NDUFV2: variants seen among roughly 807,000 people sequenced by gnomAD.
NDUFV2 encodes the protein NADH:ubiquinone oxidoreductase core subunit V2, also known as NADH dehydrogenase [ubiquinone] flavoprotein 2, mitochondrial.
NDUFV2 carries 18 observed loss-of-function variants against 31.6 expected under a neutral mutation model. That is an observed-to-expected ratio of 0.57 (90% confidence interval 0.39 to 0.84). NDUFV2 has a LOEUF of 0.84. Ranked by LOEUF, NDUFV2 falls within the 40% of genes least tolerant of loss-of-function variation. NDUFV2 has a pLI of 0.00. For missense variants in NDUFV2, 314 were observed against 303.6 expected (o/e 1.03, Z -0.26); for synonymous variants, 83 against 99.8 (o/e 0.83, Z 1.01).
chr18:9,123,821 T>G (rs369292815), intron 5 of NDUFV2, among the ~76,000 whole-genome samples: 9 of 152,340 alleles, frequency 5.9e-5, no homozygotes, highest in Admixed American at 3.3e-4. Context: ...AACAGTTACT[T>G]TGATGTACAC....
At chr18:9,121,352 A>G (rs1377867038) in intron 4 of NDUFV2, 1 of 152,178 alleles carries the variant, frequency 6.6e-6, no homozygotes, top group Non-Finnish European at 1.5e-5. Flanking sequence ...TCCTAATTAG[A>G]CAGTCAGAGC....
chr18:9,110,203 G>T (rs2077863132), intron 1 of NDUFV2, among the ~76,000 whole-genome samples: 1 of 152,078 alleles, frequency 6.6e-6, no homozygotes, highest in Non-Finnish European at 1.5e-5. Context: ...TTTAAGCCTG[G>T]TCCTGGAATG....
chr18:9,119,891 G>A (rs987230091), intron 4 of NDUFV2, among the ~76,000 whole-genome samples: 4 of 151,822 alleles, frequency 2.6e-5, no homozygotes, highest in Non-Finnish European at 4.4e-5. Flanking sequence ...ATAACTTAGT[G>A]TCAAGATATT....
intron 5 of NDUFV2, among the ~76,000 whole-genome samples, chr18:9,123,906 C>T (rs1259575215): frequency 6.6e-6 from 1 of 152,190 alleles, no homozygotes; most frequent in East Asian, 1.9e-4. Context: ...TCAGACTTTA[C>T]CGTATTTTTC....
At chr18:9,129,142 T>C (rs766234707) in intron 7 of NDUFV2, among the ~76,000 whole-genome samples, 8 of 152,184 alleles carry the variant, frequency 5.3e-5, no homozygotes, top group Non-Finnish European at 1.2e-4. Flanking sequence ...GGTTTTACCA[T>C]GTTGGCCAGG....
At position 9,124,910 on chromosome 18, in the gene NDUFV2, T is replaced by A; in HGVS notation, c.506T>A (p.Phe169Tyr). ...KVGETTPDKL[F>Y]TLIEVECLGA... The stretch of plus-strand genomic sequence containing the variant: ...GGGGAGACTACACCTGACAAACTTT[T>A]CACTCTTATAGAAGTGGAATGTTTA... Residue 169 changes from phenylalanine to tyrosine, a missense_variant, in exon 6 of 8, where the codon TTC (phenylalanine) becomes TAC (tyrosine). By Grantham distance (22) the Phe-to-Tyr change is conservative. Transcript: ENST00000318388. The A allele has an allele frequency of 2.5e-6, 4 of 1,613,216 alleles. No individual in the cohort carries two copies. Among genetic ancestry groups the A allele is most frequent in the Non-Finnish European group, 3.4e-6 (4 of 1,179,532 alleles).
At chr18:9,130,346 A>G (rs1419283332) in intron 7 of NDUFV2, among the ~76,000 whole-genome samples, 1 of 152,228 alleles carries the variant, frequency 6.6e-6, no homozygotes, top group Non-Finnish European at 1.5e-5. Flanking sequence ...ATCAGTAATC[A>G]TGAATAGTTT....
intron 4 of NDUFV2, chr18:9,121,532 C>G (rs1423577202): frequency 2.6e-5 from 4 of 152,168 alleles, no homozygotes; most frequent in Non-Finnish European, 5.9e-5. Context: ...GAATATATTT[C>G]CTTTAGAATT....
At chr18:9,109,696 G>A (rs1042791450) in intron 1 of NDUFV2, among the ~76,000 whole-genome samples, 3 of 152,134 alleles carry the variant, frequency 2.0e-5, no homozygotes, top group South Asian at 2.1e-4. Context: ...CTAATTGTGC[G>A]GTATGGGGCA....
At chr18:9,132,222 C>G (rs568664668) in intron 7 of NDUFV2, 2 of 150,776 alleles carry the variant, frequency 1.3e-5, no homozygotes, top group East Asian at 1.9e-4. Context: ...GAAGTACTTA[C>G]GATTAATTCT....
At chr18:9,110,180 TG>T (rs1202334316) in intron 1 of NDUFV2, among the ~76,000 whole-genome samples, 1 of 152,214 alleles carries the variant, frequency 6.6e-6, no homozygotes, top group Non-Finnish European at 1.5e-5. Flanking sequence ...CTAGCTAGGT[TG>T]TTTTTTCCAG....
intron 6 of NDUFV2, 83 bp downstream of exon 6, chr18:9,125,066 T>C: frequency 7.0e-7 from 1 of 1,421,078 alleles, no homozygotes; most frequent in Non-Finnish European, 9.7e-7. Flanking sequence ...TGTCCTTAGA[T>C]GTTGGTTTCT....
chr18:9,114,708 GTC>G (rs1005302350), intron 1 of NDUFV2, among the ~76,000 whole-genome samples: 9 of 152,156 alleles, frequency 5.9e-5, no homozygotes, highest in African/African-American at 2.2e-4. Context: ...AAATCTGAAA[GTC>G]TGTTTTTTTC....
At chr18:9,133,495 G>A (rs1210664633) in intron 7 of NDUFV2, 1 of 152,172 alleles carries the variant, frequency 6.6e-6, no homozygotes, top group Non-Finnish European at 1.5e-5. Context: ...TTCCTTTTGT[G>A]GCTGCTATGG....
intron 7 of NDUFV2, among the ~76,000 whole-genome samples, chr18:9,129,740 AGTGAG>A (rs1333181923): frequency 6.6e-6 from 1 of 152,234 alleles, no homozygotes; most frequent in African/African-American, 2.4e-5. Context: ...GTATGGCTGC[AGTGAG>A]GTGCTCAAGC....
intron 7 of NDUFV2, among the ~76,000 whole-genome samples, chr18:9,131,997 G>A (rs779190251): frequency 1.3e-4 from 20 of 151,604 alleles, no homozygotes; most frequent in Non-Finnish European, 2.5e-4. Context: ...TTTATTGGAG[G>A]ATTTTTGTAG....
At chr18:9,103,978 C>T (rs2077828317) in intron 1 of NDUFV2, 3 of 571,050 alleles carry the variant, frequency 5.3e-6, no homozygotes, top group South Asian at 6.1e-5. Flanking sequence ...TTAGACAGTT[C>T]CCGTTCTTTT....
chr18:9,112,017 GTTTTTTTTT>G (rs10659823), intron 1 of NDUFV2, among the ~76,000 whole-genome samples: 1 of 122,362 alleles, frequency 8.2e-6, no homozygotes, highest in African/African-American at 3.2e-5. Context: ...CATCAGAAGG[GTTTTTTTTT>G]TTTTTTTTTT....
At chr18:9,105,102 T>C (rs1196167697) in intron 1 of NDUFV2, 4 of 1,094,320 alleles carry the variant, frequency 3.7e-6, no homozygotes, top group Non-Finnish European at 4.8e-6. Flanking sequence ...GATGTTCTAT[T>C]ACTTATACAA....
Sources: allele counts gnomAD v4.1 joint callset (sites outside exome capture counted in the v4.1 genomes callset), GRCh38; gene constraint gnomAD v4.1.1; transcripts MANE v1.5; gene names NCBI Gene and HGNC (gene_info 2026-07-23, HGNC 2026-07-21).